Variants in CTNNA2 observed in about 807,000 individuals in gnomAD.
CTNNA2 encodes the protein catenin alpha 2.
A neutral mutation model predicts 101.0 loss-of-function variants in CTNNA2; 42 were observed. That is an observed-to-expected ratio of 0.42 (90% CI 0.32 to 0.54). The LOEUF (loss-of-function observed/expected upper bound fraction) is 0.54. Among genes scored for constraint, CTNNA2 ranks in the 20% least tolerant of loss-of-function variants. CTNNA2 has a pLI of 0.14. For synonymous variants in CTNNA2, 450 were observed against 456.4 expected, an observed-to-expected ratio of 0.99 and a Z score of 0.18; for missense variants, 871 against 1,223.1, an observed-to-expected ratio of 0.71 and a Z score of 4.29.
chr2:80,586,219 GAGCAA>G (rs1474188555), intron 14 of CTNNA2: 2 of 152,116 alleles, frequency 1.3e-5, no homozygotes, highest in African/African-American at 4.8e-5. Flanking sequence ...ATTAATTAGA[GAGCAA>G]AGCAAAGCAG....
chr2:79,273,243 A>G (rs1282065313), intron 2 of CTNNA2, among the ~76,000 whole-genome samples: 5 of 152,106 alleles, frequency 3.3e-5, no homozygotes, highest in Non-Finnish European at 4.4e-5. Flanking sequence ...AACCTATCAG[A>G]TAGGCATTAT....
At chr2:80,537,240 G>A (rs535697688) in intron 9 of CTNNA2, among the ~76,000 whole-genome samples, 8 of 152,244 alleles carry the variant, frequency 5.3e-5, no homozygotes, top group Non-Finnish European at 1.0e-4. Context: ...CCATGTCCCT[G>A]AAAAGAACAT....
intron 7 of CTNNA2, among the ~76,000 whole-genome samples, chr2:80,388,486 G>A (rs1024683544): frequency 2.0e-5 from 3 of 152,124 alleles, no homozygotes; most frequent in African/African-American, 7.2e-5. Context: ...TTGTTTCCCT[G>A]TAACAGGAAA....
At chr2:80,554,233 C>T (rs1410842652) in intron 11 of CTNNA2, among the ~76,000 whole-genome samples, 1 of 152,060 alleles carries the variant, frequency 6.6e-6, no homozygotes, top group Non-Finnish European at 1.5e-5. Flanking sequence ...TTGCTGGATA[C>T]TCTCTTTCTT....
At chr2:79,435,828 C>T (rs757889702) in intron 4 of CTNNA2, among the ~76,000 whole-genome samples, 1 of 152,052 alleles carries the variant, frequency 6.6e-6, no homozygotes, top group Admixed American at 6.5e-5. Context: ...TCACTGCTAG[C>T]CTCATCCGAG....
intron 2 of CTNNA2, among the ~76,000 whole-genome samples, chr2:79,698,524 A>G (rs868759405): frequency 8.5e-5 from 13 of 152,108 alleles, no homozygotes; most frequent in African/African-American, 3.1e-4. Context: ...TATACGTGCA[A>G]TATAATTGTT....
intron 3 of CTNNA2, among the ~76,000 whole-genome samples, chr2:79,320,975 A>G (rs1676607848): frequency 6.6e-6 from 1 of 152,208 alleles, no homozygotes; most frequent in Admixed American, 6.5e-5. Flanking sequence ...ACTTTTCTTC[A>G]CTGATTCTAA....
At chr2:79,464,745 C>T (rs1481979914) in intron 4 of CTNNA2, among the ~76,000 whole-genome samples, 1 of 152,124 alleles carries the variant, frequency 6.6e-6, no homozygotes, top group East Asian at 1.9e-4. Flanking sequence ...TGATGATGAG[C>T]ATTTTTTCAT....
At chr2:79,261,409 C>T (rs1268720781) in intron 2 of CTNNA2, among the ~76,000 whole-genome samples, 1 of 152,178 alleles carries the variant, frequency 6.6e-6, no homozygotes, top group African/African-American at 2.4e-5. Context: ...AATCTTGAAG[C>T]CTGCATCACA....
At chr2:80,268,833 A>G (rs147659471) in intron 7 of CTNNA2, among the ~76,000 whole-genome samples, 41 of 152,342 alleles carry the variant, frequency 2.7e-4, no homozygotes, top group African/African-American at 6.7e-4. Flanking sequence ...TGACCACTAT[A>G]TAGTCCAAGG....
Position 80,413,484 on chromosome 2 carries a change from G to A in CTNNA2, c.1138-5965G>A, listed in dbSNP as rs147615975. ...GCTTTATAGATATGCCTCTCCTCCC[G>A]CTACCTGCTCCCACCCCAACCTGAA... On this transcript the variant is annotated intron_variant, in intron 8 of 18. Coordinates refer to ENST00000402739, the MANE Select transcript of CTNNA2 (RefSeq NM_001282597.3). Among the ~76,000 whole-genome samples, 128 of 152,178 alleles carry A rather than the reference G, an allele frequency of 8.4e-4. 1 individual carries two copies. Among genetic ancestry groups the A allele is most frequent in the African/African-American group, 2.4e-3 (98 of 41,528 alleles).
At chr2:79,694,090 T>A (rs1401980726) in intron 2 of CTNNA2, among the ~76,000 whole-genome samples, 1 of 151,970 alleles carries the variant, frequency 6.6e-6, no homozygotes, top group Non-Finnish European at 1.5e-5. Context: ...GACAGGAGCA[T>A]CTTCTTCTCA....
At chr2:80,126,659 C>CCTTCCTTCCTTCCTTT (rs1702150898) in intron 7 of CTNNA2, among the ~76,000 whole-genome samples, 1 of 127,860 alleles carries the variant, frequency 7.8e-6, no homozygotes, top group African/African-American at 2.9e-5. Flanking sequence ...TTCCTTCCTT[C>CCTTCCTTCCTTCCTTT]CTTCCTTCCT....
chr2:79,366,177 G>A (rs1677746536), intron 3 of CTNNA2, among the ~76,000 whole-genome samples: 1 of 152,164 alleles, frequency 6.6e-6, no homozygotes, highest in Non-Finnish European at 1.5e-5. Context: ...CTTTGATAAT[G>A]AAACAAACAT....
At chr2:79,241,651 T>G (rs1041731608) in intron 2 of CTNNA2, among the ~76,000 whole-genome samples, 1 of 152,206 alleles carries the variant, frequency 6.6e-6, no homozygotes, top group African/African-American at 2.4e-5. Flanking sequence ...AGGAAGTAGA[T>G]TTTAATCAAA....
intron 3 of CTNNA2, among the ~76,000 whole-genome samples, chr2:79,762,150 A>C (rs553472392): frequency 1.3e-5 from 2 of 152,284 alleles, no homozygotes; most frequent in East Asian, 1.9e-4. Flanking sequence ...GATGTTCTCT[A>C]ATATTTCTTG....
Position 79,243,115 on chromosome 2 carries a change from A to G in CTNNA2, c.-406+45039A>G, listed in dbSNP as rs1483253413. 2.6e-5 allele frequency among the ~76,000 whole-genome samples: 4 copies of G among 152,012 alleles called. No homozygotes were observed. The East Asian group carries it at 7.7e-4, about 29-fold the overall frequency. On this transcript the variant is annotated intron_variant, in intron 2 of 21. Coordinates refer to the CTNNA2 transcript ENST00000466387. The stretch of plus-strand genomic sequence containing the variant: ...TACCTTACCCAAAAAGAACTGTCAG[A>G]GAAGAGAACAGAGATCTAAAATTAT...
intron 1 of CTNNA2, among the ~76,000 whole-genome samples, chr2:79,190,817 G>T (rs10496214): frequency 0.052 from 7,854 of 152,182 alleles, 304 homozygotes; most frequent in East Asian, 0.14. Flanking sequence ...GCAAGTAAGA[G>T]AAATACATTT....
At chr2:80,286,850 T>C (rs1402320930) in intron 7 of CTNNA2, among the ~76,000 whole-genome samples, 1 of 152,202 alleles carries the variant, frequency 6.6e-6, no homozygotes, top group African/African-American at 2.4e-5. Flanking sequence ...GTTGTACCCA[T>C]TGTATTGGTA....
Sources: allele counts gnomAD v4.1 joint callset (sites outside exome capture counted in the v4.1 genomes callset), GRCh38; gene constraint gnomAD v4.1.1; transcripts MANE v1.5; gene names NCBI Gene and HGNC (gene_info 2026-07-23, HGNC 2026-07-21).